Variants in HMGN3 observed in about 807,000 individuals in gnomAD.
The protein encoded by HMGN3 is high mobility group nucleosomal binding domain 3, also known as high mobility group nucleosome-binding domain-containing protein 3.
HMGN3 carries 6 observed loss-of-function variants against 18.8 expected under a neutral mutation model. The observed-to-expected ratio is 0.32, with a 90% CI of 0.18 to 0.63. HMGN3 has a LOEUF of 0.63. HMGN3 is among the 30% of genes least tolerant of loss of function. HMGN3 has a pLI of 0.79. For synonymous variants in HMGN3, 40 were observed against 36.5 expected (o/e 1.10, Z -0.35); for missense variants, 107 against 114.2 (o/e 0.94, Z 0.29).
intron 1 of HMGN3, among the ~76,000 whole-genome samples, chr6:79,233,175 A>T (rs945781591): frequency 5.3e-5 from 8 of 152,322 alleles, no homozygotes; most frequent in East Asian, 1.9e-4. Flanking sequence ...TATGTCTTTA[A>T]GTCCCAGCTG....
chr6:79,211,058 G>C (rs1165096054), intron 2 of HMGN3, among the ~76,000 whole-genome samples: 4 of 142,158 alleles, frequency 2.8e-5, no homozygotes, highest in Non-Finnish European at 6.1e-5. Context: ...AAACCAGCCA[G>C]TACCTAAAAA....
At chr6:79,220,086 A>G (rs1777195578) in intron 1 of HMGN3, among the ~76,000 whole-genome samples, 1 of 152,212 alleles carries the variant, frequency 6.6e-6, no homozygotes. Context: ...TGAAAGATAG[A>G]AGTGGGGTCG....
At chr6:79,212,783 T>G (rs1329122426) in intron 2 of HMGN3, among the ~76,000 whole-genome samples, 1 of 152,174 alleles carries the variant, frequency 6.6e-6, no homozygotes, top group Non-Finnish European at 1.5e-5. Flanking sequence ...GTCAAGGTGG[T>G]GCATACTCAA....
rs185898802 is a variant in HMGN3 at position 79,222,488 on chromosome 6, T to C, written c.16-7466A>G. Reference sequence around the variant, plus strand: ...AATGAGGGCACTGTCCATGAAATTCTTATAAGGTTTCTTGAGTTAAAAGGT... The same window carrying C: ...AATGAGGGCACTGTCCATGAAATTCCTATAAGGTTTCTTGAGTTAAAAGGT... On this transcript the variant is annotated intron_variant, in intron 1 of 5. Coordinates refer to ENST00000344726, the Ensembl canonical transcript of HMGN3. Among the ~76,000 whole-genome samples, 13 of 152,344 alleles carry C rather than the reference T, an allele frequency of 8.5e-5. 1 individual carries two copies. The highest frequency in any genetic ancestry group is 2.6e-4 in the Admixed American group (4 of 15,302).
At chr6:79,228,464 C>G (rs1347148641) in intron 1 of HMGN3, among the ~76,000 whole-genome samples, 1 of 152,228 alleles carries the variant, frequency 6.6e-6, no homozygotes, top group East Asian at 1.9e-4. Flanking sequence ...ATGTCAGGCC[C>G]TTTCATATTC....
intron 1 of HMGN3, among the ~76,000 whole-genome samples, chr6:79,226,173 A>G (rs1368019252): frequency 1.3e-5 from 2 of 152,202 alleles, no homozygotes; most frequent in Admixed American, 1.3e-4. Context: ...CCCAGAGGAA[A>G]TTTGTTAATC....
intron 1 of HMGN3, among the ~76,000 whole-genome samples, chr6:79,228,275 A>T (rs1480835160): frequency 6.6e-6 from 1 of 152,200 alleles, no homozygotes; most frequent in Non-Finnish European, 1.5e-5. Flanking sequence ...TGAAAAAAAC[A>T]GTAATTTTTC....
intron 1 of HMGN3, among the ~76,000 whole-genome samples, chr6:79,218,715 A>G (rs1213529416): frequency 1.3e-5 from 2 of 152,200 alleles, no homozygotes; most frequent in Non-Finnish European, 1.5e-5. Flanking sequence ...CATTGGTAAG[A>G]GTTATATTTC....
intron 1 of HMGN3, among the ~76,000 whole-genome samples, chr6:79,230,817 A>G (rs187982571): frequency 1.3e-5 from 2 of 152,242 alleles, no homozygotes; most frequent in East Asian, 3.9e-4. Context: ...ATTTTCATGT[A>G]GCCAAATTTA....
intron 1 of HMGN3, among the ~76,000 whole-genome samples, chr6:79,225,007 AAGT>A (rs1777497496): frequency 6.6e-6 from 1 of 152,220 alleles, no homozygotes; most frequent in African/African-American, 2.4e-5. Flanking sequence ...AAGCAATGAG[AAGT>A]AGTCAGAATA....
At chr6:79,214,823 G>C in intron 2 of HMGN3, 149 bp downstream of exon 2, 1 of 587,456 alleles carries the variant, frequency 1.7e-6, no homozygotes, top group Non-Finnish European at 3.0e-6. Flanking sequence ...GACACTTATC[G>C]CTCTTTCAGG....
At chr6:79,221,217 T>C (rs946746972) in intron 1 of HMGN3, among the ~76,000 whole-genome samples, 8 of 152,214 alleles carry the variant, frequency 5.3e-5, no homozygotes, top group South Asian at 2.1e-4. Context: ...CTGGTTTATA[T>C]TGCCTCCTCT....
At chr6:79,218,447 A>G (rs1777104768) in intron 1 of HMGN3, among the ~76,000 whole-genome samples, 1 of 152,242 alleles carries the variant, frequency 6.6e-6, no homozygotes, top group South Asian at 2.1e-4. Flanking sequence ...AAGGATATAT[A>G]CACTGTGGTA....
At chr6:79,223,771 C>A (rs1388854963) in intron 1 of HMGN3, among the ~76,000 whole-genome samples, 1 of 147,656 alleles carries the variant, frequency 6.8e-6, no homozygotes, top group South Asian at 2.2e-4. Context: ...TGGTTTTGTA[C>A]AAACATGGCC....
chr6:79,221,130 A>G (rs1165836397), intron 1 of HMGN3, among the ~76,000 whole-genome samples: 13 of 152,234 alleles, frequency 8.5e-5, no homozygotes, highest in Admixed American at 6.5e-5. Context: ...AAACAGTACC[A>G]TATCTACTCC....
chr6:79,234,474 G>T, intron 1 of HMGN3, 72 bp downstream of exon 1: 1 of 1,456,448 alleles, frequency 6.9e-7, no homozygotes, highest in Non-Finnish European at 9.6e-7. Context: ...TTCTGCGCGA[G>T]CCATTGCAAT....
chr6:79,201,246 T>A (rs1776115871), exon 6 of HMGN3: 1 of 156,388 alleles, frequency 6.4e-6, no homozygotes, highest in Non-Finnish European at 1.4e-5. Context: ...AGTCAGGTAT[T>A]CTGCAGACAA....
chr6:79,212,831 G>GA (rs995433277), intron 2 of HMGN3, among the ~76,000 whole-genome samples: 5 of 151,620 alleles, frequency 3.3e-5, no homozygotes, highest in African/African-American at 7.3e-5. Flanking sequence ...CAGTGGGAAA[G>GA]AAAAAAAATC....
At chr6:79,232,354 A>C (rs1777885096) in intron 1 of HMGN3, among the ~76,000 whole-genome samples, 1 of 152,152 alleles carries the variant, frequency 6.6e-6, no homozygotes, top group South Asian at 2.1e-4. Context: ...CGCCGTGTTT[A>C]ATCTGAGGTT....
Sources: gnomAD v4.1 joint callset for allele counts (sites outside exome capture counted in the v4.1 genomes callset) on GRCh38, gnomAD v4.1.1 for gene constraint, MANE v1.5 for transcripts, NCBI Gene and HGNC (gene_info 2026-07-23, HGNC 2026-07-21) for gene names.